FAAP24: variants seen among roughly 807,000 people sequenced by gnomAD.
FAAP24 encodes the protein Fanconi anemia core complex-associated protein 24.
In FAAP24, 16 loss-of-function variants were observed where a neutral mutation model predicts 14.3. The observed-to-expected ratio is 1.12, with a 90% confidence interval of 0.76 to 1.69. FAAP24 has a LOEUF of 1.69. FAAP24 is among the 40% of genes most tolerant of loss of function. The pLI is 0.00. For synonymous variants in FAAP24, 111 were observed against 106.2 expected (o/e 1.04, Z -0.28); for missense variants, 234 against 262.7 (o/e 0.89, Z 0.75).
chr19:32,976,604 T>C lies in FAAP24; in HGVS notation c.570T>C (p.Ala190=). 6.2e-7 allele frequency: 1 copy of C among 1,614,196 alleles called. No individual in the cohort carries two copies. The highest frequency in any genetic ancestry group is 1.1e-5 in the South Asian group (1 of 91,088). Residue 190 remains alanine, a synonymous_variant, in exon 5 of 5, where the codon GCT becomes GCC. Coordinates refer to ENST00000588258, the MANE Select transcript of FAAP24 (RefSeq NM_152266.5). ...KFPSIQQLSN[A]SIGELEQVVG... ...CAAGCATCCAGCAACTGAGTAATGC[T>C]TCCATTGGGGAACTGGAGCAGGTGG...
chr19:32,977,068 A>G lies in FAAP24; in HGVS notation c.*386A>G, dbSNP rs915998066. The G allele has an allele frequency of 4.9e-6, 2 of 405,340 alleles. No individual in the cohort carries two copies. The highest frequency in any genetic ancestry group is 8.7e-6 in the Non-Finnish European group (2 of 230,222). The allele number at this position is 405,340 out of a possible 1,614,324, so 25.1% of individuals were successfully genotyped here. On this transcript the variant is annotated 3_prime_UTR_variant, in exon 5 of 5. Coordinates refer to ENST00000588258, the MANE Select transcript of FAAP24 (RefSeq NM_152266.5). ...AGAAAACAACAAAAAAAAAAAAAAA[A>G]GAAAAAGGATTTTCTCCAGCAGCAA...
intron 3 of FAAP24, 50 bp downstream of exon 3, chr19:32,973,612 T>A: frequency 6.2e-7 from 1 of 1,603,630 alleles, no homozygotes. Context: ...CCCAGCACTT[T>A]GGGAGGCCAA....
At chr19:32,972,753 C>T (rs1232509771) in intron 1 of FAAP24, among the ~76,000 whole-genome samples, 1 of 127,080 alleles carries the variant, frequency 7.9e-6, no homozygotes, top group East Asian at 2.5e-4. Context: ...CTTGCTCTGT[C>T]GCCCAGGCTG....
Position 32,974,213 on chromosome 19 carries a change from G to T in FAAP24, c.396+1G>T. On this transcript the variant is annotated splice_donor_variant, in intron 4 of 4. Transcript: ENST00000588258. LOFTEE classifies it high-confidence loss of function. ...AGCATCCTGCCTCGTCATCCAGTTG[G>T]TGAGTACCGATTCCTACACCTTCGT... The T allele has an allele frequency of 6.2e-7, 1 of 1,612,336 alleles. No individual in the cohort carries two copies. Among genetic ancestry groups the T allele is most frequent in the Non-Finnish European group, 8.5e-7 (1 of 1,179,554 alleles).
rs536847617 is a variant in FAAP24 at position 32,976,822 on chromosome 19, C to T, written c.*140C>T. 24 of 1,094,284 alleles carry T rather than the reference C, an allele frequency of 2.2e-5. No homozygotes were observed. The highest frequency in any genetic ancestry group is 3.1e-4 in the Middle Eastern group (1 of 3,220). 67.8% of individuals were successfully genotyped at this position (1,094,284 alleles called of 1,614,324 possible). A position where few individuals can be genotyped will look rare whatever the true frequency, so the allele number is the denominator to read the frequency against. ...CAGCACTTTGGGAGGCCGAAGACAG[C>T]GGATCATCTGAGGTCAGGAGTTCAA... On this transcript the variant is annotated 3_prime_UTR_variant, in exon 5 of 5. Coordinates refer to ENST00000588258, the MANE Select transcript of FAAP24 (RefSeq NM_152266.5).
intron 4 of FAAP24, 102 bp downstream of exon 4, chr19:32,974,314 T>A (rs1198424877): frequency 1.4e-6 from 2 of 1,379,812 alleles, no homozygotes; most frequent in Non-Finnish European, 2.0e-6. Context: ...TTCTCTGACT[T>A]GGTTTATAAA....
At chr19:32,976,061 TC>T (rs1183114564) in intron 4 of FAAP24, among the ~76,000 whole-genome samples, 1 of 152,218 alleles carries the variant, frequency 6.6e-6, no homozygotes, top group Non-Finnish European at 1.5e-5. Flanking sequence ...ACCAGGTTTC[TC>T]CTTTGAGGCA....
Position 32,974,151 on chromosome 19 carries a change from T to C in FAAP24, c.335T>C (p.Leu112Pro), listed in dbSNP as rs1448504387. 6.2e-7 allele frequency: 1 copy of C among 1,614,164 alleles called. No individual in the cohort carries two copies. The highest frequency in any genetic ancestry group is 8.5e-7 in the Non-Finnish European group (1 of 1,180,028). Reference protein sequence around the residue: ...PALQKFTVLDLGMVLLPVASQ... With the variant: ...PALQKFTVLDPGMVLLPVASQ... ...CTACAGAAGTTTACTGTGCTGGACC[T>C]TGGAATGGTGCTGCTTCCAGTGGCC... Residue 112 changes from leucine (L) to proline (P), a missense_variant, in exon 4 of 5, where the codon CTT becomes CCT. Transcript: ENST00000588258.
At chr19:32,976,212 G>A (rs1412962028) in intron 4 of FAAP24, among the ~76,000 whole-genome samples, 3 of 152,176 alleles carry the variant, frequency 2.0e-5, no homozygotes, top group African/African-American at 7.2e-5. Context: ...TTCTGAAAAC[G>A]CACATTTTTG....
rs1292679748 is a variant in FAAP24 at position 32,974,106 on chromosome 19, G to C, written c.290G>C (p.Ser97Thr). Residue 97 changes from serine to threonine, a missense_variant, in exon 4 of 5, where the codon AGT (serine) becomes ACT (threonine). Transcript: ENST00000588258. Reference protein sequence around the residue: ...GIVVVEKTRMSEQYFPALQKF... With the variant: ...GIVVVEKTRMTEQYFPALQKF... ...GTAGTCGTTGAAAAAACCCGGATGA[G>C]TGAACAATACTTCCCAGCCCTACAG... 6.2e-7 allele frequency: 1 copy of C among 1,614,194 alleles called. No homozygotes were observed. Among genetic ancestry groups the C allele is most frequent in the South Asian group, 1.1e-5 (1 of 91,088 alleles).
intron 4 of FAAP24, 52 bp from the exon 5 acceptor site, chr19:32,976,379 C>A: frequency 6.5e-7 from 1 of 1,541,948 alleles, no homozygotes. Flanking sequence ...TTTAAGAAAA[C>A]GGCCAGTCCT....
In FAAP24 at chr19:32,976,869, G is replaced by A. The variant is rs1971525500; in HGVS notation, c.*187G>A. The A allele has an allele frequency of 3.0e-6, 2 of 675,776 alleles. No individual in the cohort carries two copies. The highest frequency in any genetic ancestry group is 4.8e-6 in the Non-Finnish European group (2 of 413,300). The allele number at this position is 675,776 out of a possible 1,614,324, so 41.9% of individuals were successfully genotyped here. ...TCAAGACCAGCCTGGCCAACATGGAGAAACCCCTAAAAATAGGAACAATTA... is the reference window on the plus strand; with the variant it reads ...TCAAGACCAGCCTGGCCAACATGGAAAAACCCCTAAAAATAGGAACAATTA... On this transcript the variant is annotated 3_prime_UTR_variant, in exon 5 of 5. Transcript: ENST00000588258.
At position 32,976,715 on chromosome 19, in the gene FAAP24, G is replaced by A. The variant is rs1400926383; in HGVS notation, c.*33G>A. 3.7e-6 allele frequency: 6 copies of A among 1,605,968 alleles called. No individual in the cohort carries two copies. The highest frequency in any genetic ancestry group is 1.1e-5 in the South Asian group (1 of 90,820). On this transcript the variant is annotated 3_prime_UTR_variant, in exon 5 of 5. Transcript: ENST00000588258. ...CCTCAGGGCCACGGCATCTTCTCCT[G>A]AGACCACAAACACCAGGATCTTGTT...
In FAAP24 at chr19:32,977,972, C is replaced by G. The variant is rs1166402927; in HGVS notation, c.*1290C>G. On this transcript the variant is annotated 3_prime_UTR_variant, in exon 5 of 5. Transcript: ENST00000588258. ...AAAACTCAACATGCATGAGGCAGAA[C>G]AGGCTGTGTTTGTATATGAAAGGCC... 1 of 150,748 alleles carries G rather than the reference C, an allele frequency of 6.6e-6. No homozygotes were observed. Among genetic ancestry groups the G allele is most frequent in the Non-Finnish European group, 1.5e-5 (1 of 67,908 alleles). 9.3% of individuals were successfully genotyped at this position (150,748 alleles called of 1,614,324 possible). A position where few individuals can be genotyped will look rare whatever the true frequency, so the allele number is the denominator to read the frequency against.
In FAAP24 at chr19:32,976,840, G is replaced by A; in HGVS notation, c.*158G>A. ...AAGACAGCGGATCATCTGAGGTCAGGAGTTCAAGACCAGCCTGGCCAACAT... is the reference window on the plus strand; with the variant it reads ...AAGACAGCGGATCATCTGAGGTCAGAAGTTCAAGACCAGCCTGGCCAACAT... On this transcript the variant is annotated 3_prime_UTR_variant, in exon 5 of 5. Transcript: ENST00000588258. 4.3e-6 allele frequency: 4 copies of A among 925,840 alleles called. No homozygotes were observed. Among genetic ancestry groups the A allele is most frequent in the Non-Finnish European group, 6.3e-6 (4 of 633,246 alleles). 57.4% of individuals were successfully genotyped at this position (925,840 alleles called of 1,614,324 possible).
chr19:32,976,276 T>C (rs573536291), intron 4 of FAAP24, among the ~76,000 whole-genome samples, 155 bp from the exon 5 acceptor site: 2 of 152,380 alleles, frequency 1.3e-5, no homozygotes, highest in Non-Finnish European at 2.9e-5. Flanking sequence ...ATTTTACTGA[T>C]GTCTGAGAAA....
rs763335845 is a variant in FAAP24 at position 32,974,042 on chromosome 19, G to C, written c.244-18G>C. 6.2e-7 allele frequency: 1 copy of C among 1,613,332 alleles called. No individual in the cohort carries two copies. The highest frequency in any genetic ancestry group is 1.1e-5 in the South Asian group (1 of 90,904). On this transcript the variant is annotated intron_variant, in intron 3 of 4. Transcript: ENST00000588258. The stretch of plus-strand genomic sequence containing the variant: ...CAATTTGGTTGCAAAATGACTTACT[G>C]TCTTTTTTCCTTTCAAGTCCAATAA...
rs374447159 is a variant in FAAP24 at position 32,977,408 on chromosome 19, A to C, written c.*726A>C. Reference sequence around the variant, plus strand: ...TGTGTATCCTAAGCCCTGGGTTCCCAGAGTTTCACCTGCTGTTCATCAGGT... The same window carrying C: ...TGTGTATCCTAAGCCCTGGGTTCCCCGAGTTTCACCTGCTGTTCATCAGGT... On this transcript the variant is annotated 3_prime_UTR_variant, in exon 5 of 5. Transcript: ENST00000588258. 2 of 398,682 alleles carry C rather than the reference A, an allele frequency of 5.0e-6. No individual in the cohort carries two copies. Among genetic ancestry groups the C allele is most frequent in the East Asian group, 3.6e-5 (1 of 28,080 alleles). The allele number at this position is 398,682 out of a possible 1,614,324, so 24.7% of individuals were successfully genotyped here.
chr19:32,977,800 T>G lies in FAAP24; in HGVS notation c.*1118T>G. 1 of 173,656 alleles carries G rather than the reference T, an allele frequency of 5.8e-6. No homozygotes were observed. Among genetic ancestry groups the G allele is most frequent in the Non-Finnish European group, 1.2e-5 (1 of 83,768 alleles). 10.8% of individuals were successfully genotyped at this position (173,656 alleles called of 1,614,324 possible). On this transcript the variant is annotated 3_prime_UTR_variant, in exon 5 of 5. Transcript: ENST00000588258. ...TGGGTGTGGTGGCACACACCTGTAATCCCAACTACTCAGGAGACTGAGGCA... is the reference window on the plus strand; with the variant it reads ...TGGGTGTGGTGGCACACACCTGTAAGCCCAACTACTCAGGAGACTGAGGCA...
Sources: allele counts gnomAD v4.1 joint callset (sites outside exome capture counted in the v4.1 genomes callset), GRCh38; gene constraint gnomAD v4.1.1; transcripts MANE v1.5; gene names NCBI Gene and HGNC (gene_info 2026-07-23, HGNC 2026-07-21).